The following GRIN3A variants were observed in gnomAD, a reference collection of about 807,000 sequenced individuals.
GRIN3A encodes the protein glutamate ionotropic receptor NMDA type subunit 3A.
A neutral mutation model predicts 92.4 loss-of-function variants in GRIN3A; 47 were observed. The ratio of observed to expected loss-of-function variants is 0.51; its 90% CI spans 0.40 to 0.65. The LOEUF (loss-of-function observed/expected upper bound fraction) is 0.65. Ranked by LOEUF, GRIN3A falls within the 30% of genes least tolerant of loss-of-function variation. The pLI, the probability that GRIN3A is intolerant of heterozygous loss-of-function variation, is 0.00. For missense variants in GRIN3A, 1,324 were observed against 1,393.1 expected, an observed-to-expected ratio of 0.95 and a Z score of 0.79; for synonymous variants, 527 against 540.6, an observed-to-expected ratio of 0.97 and a Z score of 0.35.
intron 3 of GRIN3A, among the ~76,000 whole-genome samples, chr9:101,642,992 T>C (rs1280055262): frequency 6.6e-6 from 1 of 152,158 alleles, no homozygotes; most frequent in Non-Finnish European, 1.5e-5. Context: ...TTTCATTATA[T>C]ATTACAATGT....
At chr9:101,615,502 G>A (rs1453822063) in intron 5 of GRIN3A, among the ~76,000 whole-genome samples, 3 of 150,398 alleles carry the variant, frequency 2.0e-5, no homozygotes, top group African/African-American at 7.3e-5. Flanking sequence ...GACTACAGGC[G>A]CCCGCCACCA....
intron 3 of GRIN3A, among the ~76,000 whole-genome samples, chr9:101,636,889 A>G (rs928436647): frequency 3.9e-5 from 6 of 152,184 alleles, no homozygotes; most frequent in Admixed American, 3.3e-4. Flanking sequence ...TCACACTCGG[A>G]TGGCTTCTGT....
At chr9:101,616,301 A>G (rs1828452915) in intron 5 of GRIN3A, among the ~76,000 whole-genome samples, 2 of 152,210 alleles carry the variant, frequency 1.3e-5, no homozygotes, top group South Asian at 2.1e-4. Context: ...AAAGCTGATT[A>G]CTTCCTTCTA....
intron 7 of GRIN3A, 22 bp from the exon 8 acceptor site, chr9:101,577,866 C>T (rs771809418): frequency 2.6e-6 from 4 of 1,561,548 alleles, no homozygotes; most frequent in Non-Finnish European, 3.5e-6. Flanking sequence ...AACAGATTCA[C>T]AGGTAGAAAT....
chr9:101,652,931 AT>A (rs35964644), intron 3 of GRIN3A, among the ~76,000 whole-genome samples: 71,349 of 151,426 alleles, frequency 0.47, 17,025 homozygotes, highest in Middle Eastern at 0.54. Flanking sequence ...CATCCTTGTG[AT>A]TTTTTTTAGG....
chr9:101,719,677 G>A (rs1829987762), intron 1 of GRIN3A, among the ~76,000 whole-genome samples: 1 of 152,158 alleles, frequency 6.6e-6, no homozygotes, highest in African/African-American at 2.4e-5. Context: ...GAGATGCAAA[G>A]GACTTTAAGT....
chr9:101,703,311 C>G (rs76509746), intron 1 of GRIN3A, among the ~76,000 whole-genome samples: 326 of 152,266 alleles, frequency 2.1e-3, no homozygotes, highest in African/African-American at 7.6e-3. Flanking sequence ...TGTCTCATAC[C>G]CTGGTGGTTG....
chr9:101,606,432 G>C (rs1008818790), intron 6 of GRIN3A, among the ~76,000 whole-genome samples: 6 of 152,008 alleles, frequency 3.9e-5, no homozygotes, highest in African/African-American at 1.5e-4. Context: ...TGTACCCCTG[G>C]TCAAATGGCC....
intron 1 of GRIN3A, among the ~76,000 whole-genome samples, chr9:101,695,120 C>G (rs555993332): frequency 2.0e-5 from 3 of 152,262 alleles, no homozygotes; most frequent in African/African-American, 7.2e-5. Context: ...TGCAAAGCAT[C>G]AGTACAGTCA....
At chr9:101,704,686 CA>C (rs1829791841) in intron 1 of GRIN3A, among the ~76,000 whole-genome samples, 1 of 152,124 alleles carries the variant, frequency 6.6e-6, no homozygotes, top group Non-Finnish European at 1.5e-5. Flanking sequence ...GCAATCTTTC[CA>C]GAGGATTTTG....
At chr9:101,647,947 G>T (rs944007137) in intron 3 of GRIN3A, among the ~76,000 whole-genome samples, 1 of 151,566 alleles carries the variant, frequency 6.6e-6, no homozygotes, top group Non-Finnish European at 1.5e-5. Context: ...TCATTTTGTT[G>T]ATCTTTTGTA....
At chr9:101,686,277 T>G (rs1476543738) in intron 2 of GRIN3A, among the ~76,000 whole-genome samples, 2 of 152,208 alleles carry the variant, frequency 1.3e-5, no homozygotes, top group Non-Finnish European at 2.9e-5. Flanking sequence ...TATTCATTAT[T>G]CTATTTTGCT....
At chr9:101,608,469 T>C (rs1024700171) in intron 6 of GRIN3A, among the ~76,000 whole-genome samples, 1 of 152,262 alleles carries the variant, frequency 6.6e-6, no homozygotes, top group African/African-American at 2.4e-5. Flanking sequence ...CTCAACAGTT[T>C]ATGGCTTTCA....
chr9:101,737,847 C>T lies in GRIN3A; in HGVS notation c.133G>A (p.Gly45Arg), dbSNP rs764770110. Residue 45 changes from glycine to arginine, a missense_variant, in exon 1 of 9, where the codon GGG (glycine) becomes AGG (arginine). By Grantham distance (125) the Gly-to-Arg change is moderately radical. Coordinates refer to ENST00000361820, the MANE Select transcript of GRIN3A (RefSeq NM_133445.3). Reference sequence around the variant, plus strand: ...ACCGCGCCCACCCTCACCGCGTGCCCGATGCGCTTGAGGATCTGGCAGGGC... The same window carrying T: ...ACCGCGCCCACCCTCACCGCGTGCCTGATGCGCTTGAGGATCTGGCAGGGC... ...PQPCQILKRI[G>R]HAVRVGAVHL... 6.5e-7 allele frequency: 1 copy of T among 1,533,340 alleles called. No individual in the cohort carries two copies. Among genetic ancestry groups the T allele is most frequent in the African/African-American group, 1.4e-5 (1 of 73,084 alleles). The allele number at this position is 1,533,340 out of a possible 1,614,324, so 95.0% of individuals were successfully genotyped here. A position where few individuals can be genotyped will look rare whatever the true frequency, so the allele number is the denominator to read the frequency against.
At chr9:101,641,614 A>T (rs971604989) in intron 3 of GRIN3A, among the ~76,000 whole-genome samples, 1 of 144,052 alleles carries the variant, frequency 6.9e-6, no homozygotes, top group Non-Finnish European at 1.5e-5. Context: ...GGAACATCAC[A>T]CTCTGGGGAC....
In GRIN3A at chr9:101,686,805, C is replaced by T. The variant is rs762083662; in HGVS notation, c.1095G>A (p.Leu365=). ...VLGDSQNVEE[L]RTEGLPLGLI... is the part of the protein sequence containing the mutation. Reference sequence around the variant, plus strand: ...GCCCTAAGGGCAGACCCTCTGTCCTCAGTTCCTCCACATTCTGGGAATCTC... The same window carrying T: ...GCCCTAAGGGCAGACCCTCTGTCCTTAGTTCCTCCACATTCTGGGAATCTC... The change falls in exon 2 of 9, where the codon CTG becomes CTA. Residue 365 remains leucine, a synonymous_variant. Transcript: ENST00000361820. 10 of 1,614,158 alleles carry T rather than the reference C, an allele frequency of 6.2e-6. 1 individual carries two copies. The highest frequency in any genetic ancestry group is 3.3e-5 in the South Asian group (3 of 91,086).
At chr9:101,654,372 AAT>A (rs36043089) in intron 3 of GRIN3A, among the ~76,000 whole-genome samples, 19,670 of 151,268 alleles carry the variant, frequency 0.13, 1,559 homozygotes, top group Admixed American at 0.19. Flanking sequence ...TATTATACAT[AAT>A]ATATACATGT....
At chr9:101,656,842 TGAG>T (rs1829094984) in intron 3 of GRIN3A, among the ~76,000 whole-genome samples, 1 of 151,874 alleles carries the variant, frequency 6.6e-6, no homozygotes, top group Admixed American at 6.6e-5. Context: ...GCTTCACCTA[TGAG>T]GAGTAGAGAG....
At chr9:101,607,018 G>A (rs1828294982) in intron 6 of GRIN3A, among the ~76,000 whole-genome samples, 1 of 149,180 alleles carries the variant, frequency 6.7e-6, no homozygotes, top group African/African-American at 2.5e-5. Context: ...CAGAGGCACA[G>A]GTGTGCAGGG....
Sources: gnomAD v4.1 joint callset for allele counts (sites outside exome capture counted in the v4.1 genomes callset) on GRCh38, gnomAD v4.1.1 for gene constraint, MANE v1.5 for transcripts, NCBI Gene and HGNC (gene_info 2026-07-23, HGNC 2026-07-21) for gene names.